The following PCDH15 variants were observed in gnomAD, a reference collection of about 807,000 sequenced individuals.
The protein encoded by PCDH15 is protocadherin-15.
A neutral mutation model predicts 178.5 loss-of-function variants in PCDH15; 129 were observed. The ratio of observed to expected loss-of-function variants is 0.72; its 90% CI spans 0.63 to 0.84. The LOEUF (loss-of-function observed/expected upper bound fraction) is 0.84. Ranked by LOEUF, PCDH15 falls within the 40% of genes least tolerant of loss-of-function variation. The pLI, the probability that PCDH15 is intolerant of heterozygous loss-of-function variation, is 0.00. For missense variants in PCDH15, 2,230 were observed against 2,099.9 expected (o/e 1.06, Z -1.21); for synonymous variants, 800 against 732.0 (o/e 1.09, Z -1.50).
At chr10:55,182,136 G>A (rs1454013342) in intron 1 of PCDH15, among the ~76,000 whole-genome samples, 2 of 151,956 alleles carry the variant, frequency 1.3e-5, no homozygotes, top group East Asian at 3.9e-4. Flanking sequence ...TTTCTAGCAT[G>A]AGGATACTTA....
intron 1 of PCDH15, among the ~76,000 whole-genome samples, chr10:55,252,552 A>G (rs1297391174): frequency 6.6e-6 from 1 of 152,124 alleles, no homozygotes; most frequent in Non-Finnish European, 1.5e-5. Context: ...TTTTTTTCCT[A>G]TAATTAAGCA....
Position 55,619,574 on chromosome 10 carries a change from A to G in PCDH15, c.-156+8051T>C, listed in dbSNP as rs149252234. Among the ~76,000 whole-genome samples, 818 of 152,164 alleles carry G rather than the reference A, an allele frequency of 5.4e-3. 7 individuals are homozygous for G. Among genetic ancestry groups the G allele is most frequent in the South Asian group, 0.019 (94 of 4,834 alleles). Reference sequence around the variant, plus strand: ...CTAGCTTGCAATAACTTTAGAAAATACTAGGAGTTTGTAAAGTTACGAGAA... The same window carrying G: ...CTAGCTTGCAATAACTTTAGAAAATGCTAGGAGTTTGTAAAGTTACGAGAA... On this transcript the variant is annotated intron_variant, in intron 2 of 5. Transcript: ENST00000613346.
intron 1 of PCDH15, among the ~76,000 whole-genome samples, chr10:55,220,119 C>T (rs1324627278): frequency 1.3e-5 from 2 of 151,848 alleles, no homozygotes; most frequent in Non-Finnish European, 2.9e-5. Context: ...ACTTAAGGCC[C>T]TATGTCTTAT....
chr10:54,752,988 T>C (rs1328473140), intron 1 of PCDH15, among the ~76,000 whole-genome samples: 1 of 152,168 alleles, frequency 6.6e-6, no homozygotes, highest in African/African-American at 2.4e-5. Flanking sequence ...ATTGACAATA[T>C]AATTCTATGC....
chr10:55,611,191 C>T (rs1019779475), intron 2 of PCDH15, among the ~76,000 whole-genome samples: 3 of 151,972 alleles, frequency 2.0e-5, no homozygotes, highest in African/African-American at 7.2e-5. Context: ...AGCTTCTATA[C>T]AGCAAAGAAA....
chr10:55,326,618 T>A (rs1844037932), intron 2 of PCDH15, among the ~76,000 whole-genome samples: 1 of 152,094 alleles, frequency 6.6e-6, no homozygotes, highest in Non-Finnish European at 1.5e-5. Context: ...AGTCATATTT[T>A]AAAAAATTAA....
chr10:54,854,762 C>T (rs1262746045), intron 3 of PCDH15, among the ~76,000 whole-genome samples: 1 of 152,096 alleles, frequency 6.6e-6, no homozygotes. Flanking sequence ...GCTGATTGGT[C>T]CATTAGTGGC....
intron 2 of PCDH15, among the ~76,000 whole-genome samples, chr10:54,967,403 T>G (rs1020015834): frequency 3.9e-5 from 6 of 152,152 alleles, no homozygotes; most frequent in African/African-American, 1.4e-4. Context: ...CAAAGTTTCC[T>G]TGTACTCCTT....
intron 2 of PCDH15, among the ~76,000 whole-genome samples, chr10:54,561,530 T>G (rs2088154262): frequency 6.6e-6 from 1 of 152,154 alleles, no homozygotes; most frequent in Admixed American, 6.5e-5. Context: ...TGTTTTCTTT[T>G]GTTGGTTTTC....
At chr10:54,687,484 C>T (rs1445730426) in intron 1 of PCDH15, among the ~76,000 whole-genome samples, 1 of 152,064 alleles carries the variant, frequency 6.6e-6, no homozygotes, top group East Asian at 1.9e-4. Context: ...AAACTCTCTC[C>T]TTTGACCAAA....
intron 26 of PCDH15, among the ~76,000 whole-genome samples, chr10:53,869,274 A>T (rs1235024446): frequency 2.0e-5 from 3 of 152,214 alleles, no homozygotes; most frequent in African/African-American, 7.2e-5. Context: ...ATGAACAAAG[A>T]AAGAAAAACA....
chr10:54,529,462 C>T (rs1483075910), intron 2 of PCDH15, among the ~76,000 whole-genome samples: 1 of 152,004 alleles, frequency 6.6e-6, no homozygotes. Context: ...GAAATAATAG[C>T]ATTCCTCTGA....
intron 1 of PCDH15, among the ~76,000 whole-genome samples, chr10:54,676,100 T>C (rs189735713): frequency 3.3e-5 from 5 of 152,222 alleles, no homozygotes; most frequent in African/African-American, 1.2e-4. Context: ...TATTGTAAAT[T>C]CTCACAGAGA....
chr10:54,092,355 T>C (rs1024758450), intron 15 of PCDH15, among the ~76,000 whole-genome samples: 6 of 152,182 alleles, frequency 3.9e-5, no homozygotes, highest in African/African-American at 1.4e-4. Context: ...CAATAGTCAA[T>C]TTTCAATTCA....
chr10:55,155,256 A>G (rs1031059131), intron 2 of PCDH15, among the ~76,000 whole-genome samples: 1 of 151,998 alleles, frequency 6.6e-6, no homozygotes, highest in Admixed American at 6.6e-5. Context: ...GATTGTAATT[A>G]CAGGTTTTTC....
intron 2 of PCDH15, among the ~76,000 whole-genome samples, chr10:55,074,810 T>C (rs980110132): frequency 6.6e-6 from 1 of 152,174 alleles, no homozygotes; most frequent in African/African-American, 2.4e-5. Context: ...TCCTGAATGC[T>C]ATTGCCTAGA....
intron 2 of PCDH15, among the ~76,000 whole-genome samples, chr10:55,430,453 G>C (rs529216028): frequency 6.6e-6 from 1 of 152,288 alleles, no homozygotes; most frequent in East Asian, 1.9e-4. Context: ...GTAATATTCA[G>C]TAGAATTTTG....
intron 2 of PCDH15, among the ~76,000 whole-genome samples, chr10:54,902,847 G>A (rs1954660150): frequency 6.6e-6 from 1 of 151,946 alleles, no homozygotes; most frequent in African/African-American, 2.4e-5. Context: ...GAAAGAGCAT[G>A]GGCTTTAAAG....
chr10:54,144,131 T>G (rs2043667332), intron 14 of PCDH15, among the ~76,000 whole-genome samples: 1 of 151,974 alleles, frequency 6.6e-6, no homozygotes, highest in African/African-American at 2.4e-5. Flanking sequence ...AATGATACTA[T>G]TAGATTAGCC....
Sources: allele counts gnomAD v4.1 joint callset (sites outside exome capture counted in the v4.1 genomes callset), GRCh38; gene constraint gnomAD v4.1.1; transcripts MANE v1.5; gene names NCBI Gene and HGNC (gene_info 2026-07-23, HGNC 2026-07-21).